SGMS2: variants seen among roughly 807,000 people sequenced by gnomAD.
The protein encoded by SGMS2 is sphingomyelin synthase 2.
A neutral mutation model predicts 43.8 loss-of-function variants in SGMS2; 21 were observed. The observed-to-expected ratio is 0.48, with a 90% CI of 0.34 to 0.69. The LOEUF is 0.69. Among genes scored for constraint, SGMS2 ranks in the 30% least tolerant of loss-of-function variants. SGMS2 has a pLI of 0.01. For missense variants in SGMS2, 384 were observed against 443.2 expected (o/e 0.87, Z 1.20); for synonymous variants, 167 against 160.6 (o/e 1.04, Z -0.30).
At chr4:107,910,225 C>T (rs979509682) in intron 6 of SGMS2, 125 bp from the exon 7 acceptor site, 16 of 789,000 alleles carry the variant, frequency 2.0e-5, no homozygotes, top group Non-Finnish European at 3.1e-5. Flanking sequence ...ACATGAAAAT[C>T]ATTACTGCCA....
In SGMS2 at chr4:107,908,419, A is replaced by T. The variant is rs937650077; in HGVS notation, c.728-146A>T. On this transcript the variant is annotated intron_variant, in intron 5 of 6. Transcript: ENST00000690982. ...TACCTGAGCAGATCCTGGGCAGTTCATAGTGACTCAGTTTAGGTTATCAGT... is the reference window on the plus strand; with the variant it reads ...TACCTGAGCAGATCCTGGGCAGTTCTTAGTGACTCAGTTTAGGTTATCAGT... The T allele has an allele frequency of 1.9e-4, 146 of 788,080 alleles. 1 individual carries two copies. In the African/African-American group the frequency reaches 2.4e-3, roughly 13 times the overall value. The allele number at this position is 788,080 out of a possible 1,614,324, so 48.8% of individuals were successfully genotyped here.
intron 6 of SGMS2, among the ~76,000 whole-genome samples, chr4:107,909,299 C>T (rs1731903345): frequency 6.6e-6 from 1 of 151,950 alleles, no homozygotes; most frequent in Admixed American, 6.6e-5. Flanking sequence ...TTAGTAGAGA[C>T]AGGGTTTCAC....
At chr4:107,875,435 T>G (rs562034460) in intron 2 of SGMS2, among the ~76,000 whole-genome samples, 1 of 152,162 alleles carries the variant, frequency 6.6e-6, no homozygotes. Flanking sequence ...TGTTCTTACT[T>G]ATAAGTGGAA....
At chr4:107,902,126 T>A (rs1731168872) in intron 4 of SGMS2, among the ~76,000 whole-genome samples, 1 of 151,240 alleles carries the variant, frequency 6.6e-6, no homozygotes, top group Admixed American at 6.6e-5. Context: ...TCCATATTGG[T>A]CAGATTGATC....
chr4:107,857,141 T>A (rs1727470797), intron 1 of SGMS2, among the ~76,000 whole-genome samples: 1 of 152,218 alleles, frequency 6.6e-6, no homozygotes, highest in Non-Finnish European at 1.5e-5. Flanking sequence ...GACTGGCTTC[T>A]TTCACTTAGA....
chr4:107,876,308 G>A (rs1303804829), intron 2 of SGMS2, among the ~76,000 whole-genome samples: 1 of 152,086 alleles, frequency 6.6e-6, no homozygotes, highest in Non-Finnish European at 1.5e-5. Context: ...CTGTTCTTAG[G>A]CATGTGCCAT....
rs549462350 is a variant in SGMS2 at position 107,861,534 on chromosome 4, TATTTCTTG to T, written c.-245+2982_-245+2989del. 5.0e-3 allele frequency among the ~76,000 whole-genome samples: 762 copies of T among 152,316 alleles called. 9 individuals carry two copies. The highest frequency in any genetic ancestry group is 0.018 in the African/African-American group (735 of 41,576). On this transcript the variant is annotated intron_variant, in intron 2 of 6. Coordinates refer to ENST00000690982, the MANE Select transcript of SGMS2 (RefSeq NM_001375905.1). ...AGTTTGGAGAGTGATTCAACCCCCT[TATTTCTTG>T]CCACTAGTAATTGCAGCCTACAGTT...
chr4:107,909,034 G>C (rs1466216824), intron 6 of SGMS2, among the ~76,000 whole-genome samples: 2 of 152,020 alleles, frequency 1.3e-5, no homozygotes, highest in Non-Finnish European at 2.9e-5. Context: ...AAGCATTGTA[G>C]TGCAGCTGGG....
intron 2 of SGMS2, among the ~76,000 whole-genome samples, chr4:107,863,158 C>T (rs1022030555): frequency 2.6e-5 from 4 of 152,168 alleles, no homozygotes; most frequent in African/African-American, 7.2e-5. Context: ...GCCCTTGGGT[C>T]ACATCTCTAA....
chr4:107,913,369 A>G lies in SGMS2; in HGVS notation c.*2816A>G, dbSNP rs897962768. On this transcript the variant is annotated 3_prime_UTR_variant, in exon 7 of 7. Coordinates refer to ENST00000690982, the MANE Select transcript of SGMS2 (RefSeq NM_001375905.1). ...TAATTGTGAATTTGTTACTTAATTT[A>G]CTGGCATCTTGGGAAACAAGTTTTG... 2 of 152,132 alleles carry G rather than the reference A, an allele frequency of 1.3e-5. No individual in the cohort carries two copies. Among genetic ancestry groups the G allele is most frequent in the African/African-American group, 4.8e-5 (2 of 41,438 alleles). The allele number at this position is 152,132 out of a possible 1,614,324, so 9.4% of individuals were successfully genotyped here.
rs143466654 is a variant in SGMS2, at chr4:107,908,361, G to A, written c.728-204G>A. ...AGCTTCCCCAGTGAATGACTATTAC[G>A]CCCGCTGCCAGGGAGCCCCTCTGCC... On this transcript the variant is annotated intron_variant, in intron 5 of 6. Transcript: ENST00000690982. 1.7e-4 allele frequency: 88 copies of A among 523,004 alleles called. 1 individual carries two copies. The East Asian group carries it at 2.6e-3, about 16-fold the overall frequency. 32.4% of individuals were successfully genotyped at this position (523,004 alleles called of 1,614,324 possible). A position where few individuals can be genotyped will look rare whatever the true frequency, so the allele number is the denominator to read the frequency against.
intron 6 of SGMS2, among the ~76,000 whole-genome samples, chr4:107,909,821 C>T (rs984570523): frequency 3.3e-5 from 5 of 152,178 alleles, no homozygotes; most frequent in African/African-American, 7.2e-5. Context: ...AAAGGATCTA[C>T]GTCCAACTCT....
intron 2 of SGMS2, among the ~76,000 whole-genome samples, chr4:107,870,965 A>G (rs1354787773): frequency 6.6e-6 from 1 of 152,218 alleles, no homozygotes; most frequent in Non-Finnish European, 1.5e-5. Flanking sequence ...TAGCTTCCTA[A>G]TGCTAATTGA....
intron 3 of SGMS2, among the ~76,000 whole-genome samples, chr4:107,898,664 G>T (rs1730873304): frequency 6.6e-6 from 1 of 152,136 alleles, no homozygotes; most frequent in Non-Finnish European, 1.5e-5. Context: ...TGTTCAGCTG[G>T]ACTAAAGACA....
At chr4:107,871,513 A>T (rs1728555733) in intron 2 of SGMS2, among the ~76,000 whole-genome samples, 2 of 152,060 alleles carry the variant, frequency 1.3e-5, no homozygotes, top group African/African-American at 4.8e-5. Flanking sequence ...TGAGGACGGG[A>T]GCCAGCTTTC....
chr4:107,841,439 T>C (rs1189038645), intron 1 of SGMS2, among the ~76,000 whole-genome samples: 1 of 151,812 alleles, frequency 6.6e-6, no homozygotes, highest in Non-Finnish European at 1.5e-5. Flanking sequence ...TTTTTTTCAA[T>C]ATGCTTTTCA....
Position 107,903,370 on chromosome 4 carries a change from T to C in SGMS2, c.711T>C (p.Tyr237=), listed in dbSNP as rs1354595844. ...SGHTVTLTLT[Y]LFIKEYSPRH... ...ACACGGTTACGCTGACACTGACTTA[T>C]TTGTTCATCAAAGAATGTAAGTAAT... Residue 237 remains tyrosine (Y), a synonymous_variant, in exon 5 of 7, where the codon TAT becomes TAC. Transcript: ENST00000690982. 17 of 1,613,804 alleles carry C rather than the reference T, an allele frequency of 1.1e-5. No homozygotes were observed. Among genetic ancestry groups the C allele is most frequent in the Non-Finnish European group, 1.3e-5 (15 of 1,179,900 alleles).
At chr4:107,902,289 C>CAAAAAAAAAAAAAAAAAAAAA (rs34388036) in intron 4 of SGMS2, among the ~76,000 whole-genome samples, 3 of 124,566 alleles carry the variant, frequency 2.4e-5, no homozygotes, top group African/African-American at 1.0e-4. Context: ...GACCCTGTCT[C>CAAAAAAAAAAAAAAAAAAAAA]AAAAAAAAAA....
intron 1 of SGMS2, among the ~76,000 whole-genome samples, chr4:107,846,356 T>C (rs1726818152): frequency 1.4e-5 from 2 of 147,390 alleles, no homozygotes; most frequent in Non-Finnish European, 3.0e-5. Flanking sequence ...AGTGAGAACA[T>C]GTGGTATTTG....
Sources: gnomAD v4.1 joint callset for allele counts (sites outside exome capture counted in the v4.1 genomes callset) on GRCh38, gnomAD v4.1.1 for gene constraint, MANE v1.5 for transcripts, NCBI Gene and HGNC (gene_info 2026-07-23, HGNC 2026-07-21) for gene names.